MAF: variants seen among roughly 807,000 people sequenced by gnomAD.
MAF encodes the protein MAF bZIP transcription factor.
A neutral mutation model predicts 22.0 loss-of-function variants in MAF; 10 were observed. That is an observed-to-expected ratio of 0.45 (90% confidence interval 0.28 to 0.77). The LOEUF is 0.77. Among genes scored for constraint, MAF ranks in the 30% least tolerant of loss-of-function variants. The pLI, the probability that MAF is intolerant of heterozygous loss-of-function variation, is 0.12. For synonymous variants in MAF, 337 were observed against 255.8 expected (o/e 1.32, Z -3.03); for missense variants, 544 against 548.4 (o/e 0.99, Z 0.08).
At chr16:79,240,192 G>A in the MAF span, among the ~76,000 whole-genome samples, 29 of 151,586 alleles carry the variant, frequency 1.9e-4, 1 homozygote, top group Non-Finnish European at 3.5e-4. Flanking sequence ...TGGGGATACT[G>A]GATTGACATT....
the MAF span, among the ~76,000 whole-genome samples, chr16:79,465,139 G>A: frequency 2.6e-5 from 4 of 152,168 alleles, no homozygotes; most frequent in Non-Finnish European, 5.9e-5. Context: ...TATCTATGGG[G>A]AATTGGTTCC....
At chr16:79,517,738 C>A in the MAF span, among the ~76,000 whole-genome samples, 1 of 152,038 alleles carries the variant, frequency 6.6e-6, no homozygotes, top group African/African-American at 2.4e-5. Flanking sequence ...TCATGCCCGG[C>A]TAATTTTTGT....
the MAF span, among the ~76,000 whole-genome samples, chr16:79,534,867 C>A: frequency 6.6e-6 from 1 of 152,120 alleles, no homozygotes; most frequent in African/African-American, 2.4e-5. Context: ...AAAATTTGAT[C>A]CCAGGTTCCT....
the MAF span, among the ~76,000 whole-genome samples, chr16:79,241,209 G>A: frequency 5.3e-5 from 8 of 152,092 alleles, no homozygotes; most frequent in African/African-American, 1.4e-4. Flanking sequence ...ACTGACAGAA[G>A]TAGACTTCCC....
chr16:79,401,794 G>C, the MAF span, among the ~76,000 whole-genome samples: 14 of 152,192 alleles, frequency 9.2e-5, no homozygotes, highest in Non-Finnish European at 1.5e-4. Context: ...TCTAGGACAA[G>C]AGCTGCTGAG....
chr16:79,486,981 T>C, the MAF span, among the ~76,000 whole-genome samples: 2 of 152,138 alleles, frequency 1.3e-5, no homozygotes, highest in Non-Finnish European at 2.9e-5. Flanking sequence ...TGCCCAGATT[T>C]TGTACAGCTT....
At chr16:79,554,692 GC>G in the MAF span, among the ~76,000 whole-genome samples, 1 of 152,088 alleles carries the variant, frequency 6.6e-6, no homozygotes, top group Non-Finnish European at 1.5e-5. Flanking sequence ...AGTTCTAAAG[GC>G]CCAGAATTCT....
At chr16:79,462,978 G>A in the MAF span, among the ~76,000 whole-genome samples, 1 of 152,204 alleles carries the variant, frequency 6.6e-6, no homozygotes, top group Non-Finnish European at 1.5e-5. Context: ...TAAAGGATGG[G>A]CCTGTTTTAA....
the MAF span, among the ~76,000 whole-genome samples, chr16:79,522,573 C>A: frequency 6.6e-6 from 1 of 152,220 alleles, no homozygotes; most frequent in Non-Finnish European, 1.5e-5. Flanking sequence ...TTTGCCCCTG[C>A]TCTTTGGGAG....
At chr16:79,244,622 C>T in the MAF span, among the ~76,000 whole-genome samples, 2 of 152,044 alleles carry the variant, frequency 1.3e-5, no homozygotes, top group African/African-American at 2.4e-5. Flanking sequence ...GAATCAATAT[C>T]GTGAAAATGG....
the MAF span, among the ~76,000 whole-genome samples, chr16:79,470,849 T>A: frequency 6.6e-6 from 1 of 152,238 alleles, no homozygotes; most frequent in East Asian, 1.9e-4. Context: ...TGTGTTTTAC[T>A]GCTATTTGTC....
chr16:79,223,163 GTCTC>G, the MAF span, among the ~76,000 whole-genome samples: 1 of 151,860 alleles, frequency 6.6e-6, no homozygotes, highest in African/African-American at 2.4e-5. Flanking sequence ...CAACATAACA[GTCTC>G]TCAGACCACA....
the MAF span, among the ~76,000 whole-genome samples, chr16:79,437,238 G>T: frequency 6.6e-6 from 1 of 151,984 alleles, no homozygotes; most frequent in East Asian, 1.9e-4. Flanking sequence ...AAACCAAATG[G>T]ACACTTTGCT....
chr16:79,497,252 A>G, the MAF span, among the ~76,000 whole-genome samples: 3 of 152,188 alleles, frequency 2.0e-5, no homozygotes, highest in Non-Finnish European at 2.9e-5. Flanking sequence ...AATACAGAAG[A>G]AAAAAAGGCT....
At chr16:79,255,982 C>CTTTTTTTTTTTTTTTT in the MAF span, among the ~76,000 whole-genome samples, 1 of 99,726 alleles carries the variant, frequency 1.0e-5, no homozygotes, top group Non-Finnish European at 1.8e-5. Flanking sequence ...CTTTTCTTTT[C>CTTTTTTTTTTTTTTTT]TTTTTTTTTT....
the MAF span, among the ~76,000 whole-genome samples, chr16:79,541,027 C>T: frequency 1.3e-4 from 20 of 151,990 alleles, no homozygotes; most frequent in South Asian, 2.1e-4. Context: ...CACACTACTA[C>T]GGTTACTACT....
At chr16:79,524,171 C>A in the MAF span, among the ~76,000 whole-genome samples, 52 of 152,172 alleles carry the variant, frequency 3.4e-4, no homozygotes, top group Non-Finnish European at 3.5e-4. Context: ...ACCCTCTGAT[C>A]CCTGTTCGGG....
At chr16:79,380,801 G>A in the MAF span, among the ~76,000 whole-genome samples, 3 of 152,194 alleles carry the variant, frequency 2.0e-5, no homozygotes, top group African/African-American at 4.8e-5. Flanking sequence ...CACACCCACC[G>A]GCCATTGACC....
At chr16:79,210,482 TC>T in the MAF span, among the ~76,000 whole-genome samples, 4 of 152,054 alleles carry the variant, frequency 2.6e-5, no homozygotes, top group African/African-American at 4.8e-5. Flanking sequence ...GAAAGCCATT[TC>T]CCCCACAATC....
Sources: allele counts gnomAD v4.1 joint callset (sites outside exome capture counted in the v4.1 genomes callset), GRCh38; gene constraint gnomAD v4.1.1; transcripts MANE v1.5; gene names NCBI Gene and HGNC (gene_info 2026-07-23, HGNC 2026-07-21).